ALG14: variants seen among roughly 807,000 people sequenced by gnomAD.
ALG14 encodes ALG14 UDP-N-acetylglucosaminyltransferase subunit.
Under a neutral mutation model 22.8 loss-of-function variants are expected in ALG14, and 17 were observed. The ratio of observed to expected loss-of-function variants is 0.75; its 90% CI spans 0.51 to 1.12. ALG14 has a LOEUF of 1.12. ALG14 is among the 50% of genes most tolerant of loss of function. ALG14 has a pLI of 0.00. For missense variants in ALG14, 288 were observed against 271.8 expected, an observed-to-expected ratio of 1.06 and a Z score of -0.42; for synonymous variants, 89 against 103.7, an observed-to-expected ratio of 0.86 and a Z score of 0.86.
chr1:95,011,666 C>T (rs1186342458), intron 3 of ALG14, among the ~76,000 whole-genome samples: 5 of 151,976 alleles, frequency 3.3e-5, no homozygotes, highest in African/African-American at 7.2e-5. Flanking sequence ...CTGCCCACCT[C>T]GGCCTCCCAA....
At chr1:95,023,275 C>A (rs949714730) in intron 3 of ALG14, among the ~76,000 whole-genome samples, 6 of 152,148 alleles carry the variant, frequency 3.9e-5, no homozygotes, top group African/African-American at 1.2e-4. Context: ...AGGCACCCAC[C>A]ATCATGCTTG....
At chr1:95,029,339 G>A (rs1212353391) in intron 2 of ALG14, among the ~76,000 whole-genome samples, 1 of 152,232 alleles carries the variant, frequency 6.6e-6, no homozygotes, top group East Asian at 1.9e-4. Context: ...AGTGCTCCAA[G>A]AAGAGGCAAG....
At chr1:95,050,043 TG>T (rs1186577439) in intron 2 of ALG14, among the ~76,000 whole-genome samples, 2 of 152,226 alleles carry the variant, frequency 1.3e-5, no homozygotes, top group Non-Finnish European at 2.9e-5. Context: ...TTCTGATTTC[TG>T]GGAAGCTCTC....
intron 2 of ALG14, among the ~76,000 whole-genome samples, chr1:95,033,857 A>G (rs1202518098): frequency 2.6e-5 from 4 of 152,120 alleles, no homozygotes; most frequent in Non-Finnish European, 4.4e-5. Context: ...CCTACAATCT[A>G]TTCTTTATAG....
At chr1:94,992,325 G>A (rs1472386556) in intron 3 of ALG14, among the ~76,000 whole-genome samples, 3 of 152,064 alleles carry the variant, frequency 2.0e-5, no homozygotes, top group Non-Finnish European at 4.4e-5. Context: ...AATCTTACGG[G>A]ATCACTATTG....
intron 3 of ALG14, among the ~76,000 whole-genome samples, chr1:94,984,034 G>A (rs986277205): frequency 2.0e-4 from 31 of 151,926 alleles, no homozygotes; most frequent in African/African-American, 6.3e-4. Flanking sequence ...ATGAGCCACC[G>A]AGCCCAGCTG....
intron 2 of ALG14, among the ~76,000 whole-genome samples, chr1:95,038,330 A>C (rs1674264404): frequency 6.6e-6 from 1 of 152,166 alleles, no homozygotes; most frequent in Non-Finnish European, 1.5e-5. Flanking sequence ...CTCTACTAAA[A>C]ATACAAAAAT....
chr1:95,065,297 A>G (rs1475133575), intron 1 of ALG14, among the ~76,000 whole-genome samples: 1 of 152,222 alleles, frequency 6.6e-6, no homozygotes, highest in Non-Finnish European at 1.5e-5. Context: ...AGCTCTTGCT[A>G]TCAAGAAGAC....
chr1:95,056,372 C>T (rs1212951938), intron 2 of ALG14, among the ~76,000 whole-genome samples: 2 of 152,112 alleles, frequency 1.3e-5, no homozygotes, highest in Non-Finnish European at 2.9e-5. Context: ...TGGCCAGGCA[C>T]GGTGGCTCAT....
At chr1:94,990,850 A>T (rs1672753251) in intron 3 of ALG14, among the ~76,000 whole-genome samples, 1 of 152,278 alleles carries the variant, frequency 6.6e-6, no homozygotes, top group Non-Finnish European at 1.5e-5. Context: ...AATCAAAAAA[A>T]TAACTGAGAA....
In ALG14 at chr1:94,977,071, AAAC is replaced by A. The variant is rs1672411422; in HGVS notation, c.*6002_*6004del. 6.6e-6 allele frequency: 1 copy of A among 152,256 alleles called. No individual in the cohort carries two copies. Among genetic ancestry groups the A allele is most frequent in the South Asian group, 2.1e-4 (1 of 4,832 alleles). 9.4% of individuals were successfully genotyped at this position (152,256 alleles called of 1,614,324 possible). A position where few individuals can be genotyped will look rare whatever the true frequency, so the allele number is the denominator to read the frequency against. Reference sequence around the variant, plus strand: ...TCAGCCTTTTGAGATCTTGAGCAGAAAACCTTCTTTGCCTGGATTTCTAACCTA... The same window carrying A: ...TCAGCCTTTTGAGATCTTGAGCAGAACTTCTTTGCCTGGATTTCTAACCTA... On this transcript the variant is annotated 3_prime_UTR_variant, in exon 4 of 4. Coordinates refer to ENST00000370205, the MANE Select transcript of ALG14 (RefSeq NM_144988.4).
intron 2 of ALG14, among the ~76,000 whole-genome samples, chr1:95,061,107 G>A (rs12074098): frequency 0.016 from 2,496 of 152,274 alleles, 70 homozygotes; most frequent in African/African-American, 0.057. Context: ...GAAGCAAGGA[G>A]GGATTCTTCT....
At chr1:95,056,129 G>A (rs1462586369) in intron 2 of ALG14, among the ~76,000 whole-genome samples, 3 of 151,998 alleles carry the variant, frequency 2.0e-5, no homozygotes, top group Non-Finnish European at 2.9e-5. Context: ...AGAGAGCTAG[G>A]CTGAACAGCT....
chr1:95,000,086 A>G (rs1031745251), intron 3 of ALG14, among the ~76,000 whole-genome samples: 1 of 152,146 alleles, frequency 6.6e-6, no homozygotes, highest in Non-Finnish European at 1.5e-5. Context: ...AAGTCCAAAT[A>G]TCCTGGATTA....
chr1:95,049,111 T>C (rs1213486471), intron 2 of ALG14, among the ~76,000 whole-genome samples: 1 of 152,180 alleles, frequency 6.6e-6, no homozygotes, highest in Non-Finnish European at 1.5e-5. Flanking sequence ...TTATACTAGT[T>C]TAAAATTTAG....
At chr1:95,055,647 T>C (rs1674898254) in intron 2 of ALG14, among the ~76,000 whole-genome samples, 1 of 151,834 alleles carries the variant, frequency 6.6e-6, no homozygotes, top group Non-Finnish European at 1.5e-5. Flanking sequence ...CAAGATTCTT[T>C]TGTGAACTTG....
intron 3 of ALG14, among the ~76,000 whole-genome samples, chr1:95,017,438 C>T (rs745661452): frequency 3.9e-5 from 6 of 152,024 alleles, no homozygotes; most frequent in Admixed American, 6.6e-5. Flanking sequence ...AGAATTCCTG[C>T]GGTATAATCT....
intron 2 of ALG14, among the ~76,000 whole-genome samples, chr1:95,037,047 C>G (rs78338313): frequency 0.017 from 2,650 of 152,284 alleles, 73 homozygotes; most frequent in African/African-American, 0.059. Context: ...TGGTCTGAGA[C>G]TTCAGGGAAA....
intron 2 of ALG14, among the ~76,000 whole-genome samples, chr1:95,057,055 CAAA>C (rs199574536): frequency 5.0e-5 from 5 of 100,666 alleles, no homozygotes; most frequent in Non-Finnish European, 5.7e-5. Flanking sequence ...GATTCTGGCT[CAAA>C]AAAAAAAAAA....
Sources: gnomAD v4.1 joint callset for allele counts (sites outside exome capture counted in the v4.1 genomes callset) on GRCh38, gnomAD v4.1.1 for gene constraint, MANE v1.5 for transcripts, NCBI Gene and HGNC (gene_info 2026-07-23, HGNC 2026-07-21) for gene names.